Variants in HIVEP1 observed in about 807,000 individuals in gnomAD.
The protein encoded by HIVEP1 is HIVEP zinc finger 1.
HIVEP1 carries 36 observed loss-of-function variants against 180.0 expected under a neutral mutation model. The ratio of observed to expected loss-of-function variants is 0.20; its 90% confidence interval spans 0.15 to 0.26. The LOEUF is 0.26. Ranked by LOEUF, HIVEP1 falls within the 10% of genes least tolerant of loss-of-function variation. The probability of loss-of-function intolerance (pLI) is 1.00; values close to 1 mark genes in which losing one functional copy is unlikely to be tolerated. For missense variants in HIVEP1, 3,143 were observed against 3,268.7 expected (o/e 0.96, Z 0.94); for synonymous variants, 1,239 against 1,239.0 (o/e 1.00, Z 0.00).
At chr6:12,186,907 A>T in the HIVEP1 span, among the ~76,000 whole-genome samples, 1 of 152,094 alleles carries the variant, frequency 6.6e-6, no homozygotes, top group Non-Finnish European at 1.5e-5. Context: ...TAGCGAAAAG[A>T]TGAATTTCAG....
chr6:12,134,228 A>AT (rs376327894), intron 6 of HIVEP1, among the ~76,000 whole-genome samples: 5 of 152,264 alleles, frequency 3.3e-5, no homozygotes, highest in African/African-American at 1.2e-4. Flanking sequence ...TTTGCTTCAT[A>AT]TTTTTTTCAG....
intron 4 of HIVEP1, among the ~76,000 whole-genome samples, chr6:12,127,728 G>A (rs75582794): frequency 6.6e-6 from 1 of 152,190 alleles, no homozygotes; most frequent in Admixed American, 6.5e-5. Flanking sequence ...CCACACTCCT[G>A]TATGGAAACT....
intron 2 of HIVEP1, among the ~76,000 whole-genome samples, chr6:12,069,478 T>A (rs573927447): frequency 3.1e-4 from 46 of 149,858 alleles, no homozygotes; most frequent in South Asian, 8.4e-4. Flanking sequence ...TTTAAAAAAT[T>A]GTGTTAGTAC....
intron 3 of HIVEP1, among the ~76,000 whole-genome samples, chr6:12,094,440 C>CT (rs1233702140): frequency 1.3e-5 from 2 of 151,802 alleles, no homozygotes; most frequent in African/African-American, 2.4e-5. Context: ...TGTTTGCTAT[C>CT]TTTTTTTGTG....
chr6:12,009,169 A>G (rs530537076), upstream of HIVEP1, among the ~76,000 whole-genome samples: 5 of 143,958 alleles, frequency 3.5e-5, no homozygotes, highest in Non-Finnish European at 7.7e-5. Flanking sequence ...CGCTGGGCGG[A>G]GGGCCGGGGC....
At chr6:12,059,928 G>A (rs1395998496) in intron 2 of HIVEP1, among the ~76,000 whole-genome samples, 2 of 152,282 alleles carry the variant, frequency 1.3e-5, no homozygotes, top group East Asian at 1.9e-4. Context: ...ACTAAAAAAT[G>A]TGTATGCATA....
chr6:12,056,160 G>A (rs1399683077), intron 2 of HIVEP1, among the ~76,000 whole-genome samples: 1 of 152,086 alleles, frequency 6.6e-6, no homozygotes, highest in East Asian at 1.9e-4. Context: ...GAAGAGTCTG[G>A]AGCAGAAAAT....
Position 12,147,544 on chromosome 6 carries a change from G to A in HIVEP1, c.6487+11652G>A, listed in dbSNP as rs548640736. 1.0e-4 allele frequency among the ~76,000 whole-genome samples: 15 copies of A among 148,946 alleles called. No individual in the cohort carries two copies. In the South Asian group the frequency reaches 3.2e-3, roughly 31 times the overall value. On this transcript the variant is annotated intron_variant, in intron 7 of 8. Transcript: ENST00000379388. ...GTTGTTTGTTTGTTTGTTTTTTGCT[G>A]TTGCTGCTGTTTTATTTTGTAGTGG...
intron 2 of HIVEP1, among the ~76,000 whole-genome samples, chr6:12,044,449 A>G (rs1306622491): frequency 6.6e-6 from 1 of 152,086 alleles, no homozygotes; most frequent in African/African-American, 2.4e-5. Context: ...TCACCATCCT[A>G]TCGCCCTGTT....
rs778385250 is a variant in HIVEP1, at chr6:12,163,983, A to G, written c.7679A>G (p.Gln2560Arg). 1.2e-6 allele frequency: 2 copies of G among 1,614,072 alleles called. No individual in the cohort carries two copies. The highest frequency in any genetic ancestry group is 4.5e-5 in the East Asian group (2 of 44,838). The change falls in exon 9 of 9, where the codon CAA becomes CGA. Residue 2560 changes from glutamine (Q) to arginine (R), a missense_variant. Physicochemically the swap from Gln to Arg is conservative, Grantham distance 43 (BLOSUM62 1). Coordinates refer to ENST00000379388, the MANE Select transcript of HIVEP1 (RefSeq NM_002114.4). The part of the protein sequence containing the change: ...ALPTLIPSVS[Q>R]VAVDAQGAPE... ...CCCACCTTAATCCCCTCAGTCAGTCAAGTAGCCGTTGATGCACAGGGAGCT... is the reference window on the plus strand; with the variant it reads ...CCCACCTTAATCCCCTCAGTCAGTCGAGTAGCCGTTGATGCACAGGGAGCT...
intron 2 of HIVEP1, among the ~76,000 whole-genome samples, chr6:12,016,256 G>T (rs761536588): frequency 2.6e-5 from 4 of 152,122 alleles, no homozygotes; most frequent in African/African-American, 9.7e-5. Context: ...CATCAACCGC[G>T]AATACTTTTA....
chr6:12,058,507 T>A (rs973951782), intron 2 of HIVEP1, among the ~76,000 whole-genome samples: 29 of 152,218 alleles, frequency 1.9e-4, no homozygotes, highest in African/African-American at 6.5e-4. Context: ...TTTGTTGTTG[T>A]TGTTGGAACA....
At chr6:12,037,948 C>G (rs1769402036) in intron 2 of HIVEP1, 1 of 388,690 alleles carries the variant, frequency 2.6e-6, no homozygotes, top group Non-Finnish European at 4.5e-6. Flanking sequence ...CTCCCAGCCT[C>G]AAGTGAACCT....
At chr6:12,070,712 A>G (rs1255465248) in intron 2 of HIVEP1, among the ~76,000 whole-genome samples, 1 of 152,210 alleles carries the variant, frequency 6.6e-6, no homozygotes, top group Non-Finnish European at 1.5e-5. Flanking sequence ...TTGAACTTAA[A>G]TTGAAAGTTA....
chr6:12,025,769 A>G (rs1287909122), intron 2 of HIVEP1, among the ~76,000 whole-genome samples: 1 of 152,188 alleles, frequency 6.6e-6, no homozygotes, highest in Admixed American at 6.5e-5. Context: ...GCCAAGCTCG[A>G]TGGCTCACGC....
chr6:12,123,793 C>T lies in HIVEP1; in HGVS notation c.3998C>T (p.Ser1333Phe), dbSNP rs1194272008. The T allele has an allele frequency of 1.2e-6, 2 of 1,614,036 alleles. No individual in the cohort carries two copies. The change falls in exon 4 of 9, where the codon TCC becomes TTC. Residue 1333 changes from serine to phenylalanine, a missense_variant. By Grantham distance (155) the Ser-to-Phe change is radical. Coordinates refer to ENST00000379388, the MANE Select transcript of HIVEP1 (RefSeq NM_002114.4). ...GAGGACGTTTCTAAAACGGAGGCTT[C>T]CCCCAAAATCGATTTTCTAAATAAA... ...DIEDVSKTEASPKIDFLNKAE... is the reference protein window; with the variant it reads ...DIEDVSKTEAFPKIDFLNKAE...
At chr6:12,046,209 A>G (rs1770105107) in intron 2 of HIVEP1, among the ~76,000 whole-genome samples, 1 of 152,248 alleles carries the variant, frequency 6.6e-6, no homozygotes, top group Non-Finnish European at 1.5e-5. Flanking sequence ...GTTTACAAAC[A>G]CTTTGATATT....
At chr6:12,078,930 G>A (rs1048049449) in intron 2 of HIVEP1, among the ~76,000 whole-genome samples, 3 of 151,976 alleles carry the variant, frequency 2.0e-5, no homozygotes, top group Non-Finnish European at 4.4e-5. Flanking sequence ...GCATGTGCCC[G>A]TGTGTGTGCG....
At position 12,123,482 on chromosome 6, in the gene HIVEP1, G is replaced by A; in HGVS notation, c.3687G>A (p.Gln1229=). The A allele has an allele frequency of 6.2e-7, 1 of 1,614,138 alleles. No individual in the cohort carries two copies. Residue 1229 remains glutamine, a synonymous_variant, in exon 4 of 9, where the codon CAG becomes CAA. Coordinates refer to ENST00000379388, the MANE Select transcript of HIVEP1 (RefSeq NM_002114.4). ...GACAGCCCTCAAGACTTGTCCGGCA[G>A]CACAACATCCAAGTTCCAGAGATTT... ...VLGQPSRLVR[Q]HNIQVPEILV...
Sources: allele counts gnomAD v4.1 joint callset (sites outside exome capture counted in the v4.1 genomes callset), GRCh38; gene constraint gnomAD v4.1.1; transcripts MANE v1.5; gene names NCBI Gene and HGNC (gene_info 2026-07-23, HGNC 2026-07-21).